ESRRG: variants seen among roughly 807,000 people sequenced by gnomAD.
ESRRG encodes estrogen-related receptor gamma.
ESRRG carries 13 observed loss-of-function variants against 44.0 expected under a neutral mutation model. The observed-to-expected ratio is 0.30, with a 90% confidence interval of 0.19 to 0.47. ESRRG has a LOEUF of 0.47. Among genes scored for constraint, ESRRG ranks in the 20% least tolerant of loss-of-function variants. The pLI, the probability that ESRRG is intolerant of heterozygous loss-of-function variation, is 1.00. For synonymous variants in ESRRG, 215 were observed against 214.6 expected (o/e 1.00, Z -0.02); for missense variants, 395 against 580.6 (o/e 0.68, Z 3.29).
intron 1 of ESRRG, among the ~76,000 whole-genome samples, chr1:216,953,799 A>T (rs1476849395): frequency 6.6e-6 from 1 of 152,310 alleles, no homozygotes; most frequent in East Asian, 1.9e-4. Context: ...TATAAAATAT[A>T]GCTCAAGTAT....
intron 1 of ESRRG, among the ~76,000 whole-genome samples, chr1:217,104,255 C>A (rs992772536): frequency 2.6e-5 from 4 of 152,290 alleles, no homozygotes; most frequent in Non-Finnish European, 5.9e-5. Context: ...GCACCTTGAG[C>A]TACTCAAGGA....
chr1:216,985,775 A>G (rs551188415), intron 1 of ESRRG: 1 of 152,336 alleles, frequency 6.6e-6, no homozygotes, highest in South Asian at 2.1e-4. Context: ...TTGATCCAGA[A>G]GACTGAGGTT....
chr1:216,901,549 T>G (rs1041997976), intron 2 of ESRRG, among the ~76,000 whole-genome samples: 1 of 152,048 alleles, frequency 6.6e-6, no homozygotes, highest in Non-Finnish European at 1.5e-5. Context: ...TTAAAGTTTT[T>G]CTGTAGGAAC....
chr1:216,566,605 C>T (rs1479949628), intron 4 of ESRRG, among the ~76,000 whole-genome samples: 3 of 152,140 alleles, frequency 2.0e-5, no homozygotes, highest in Non-Finnish European at 4.4e-5. Flanking sequence ...GAGAAATGGG[C>T]AGTCTGTATA....
chr1:216,607,517 A>G (rs893355064), intron 3 of ESRRG, among the ~76,000 whole-genome samples: 10 of 152,004 alleles, frequency 6.6e-5, no homozygotes, highest in Non-Finnish European at 1.3e-4. Flanking sequence ...TACAGCATCA[A>G]CTCCGTGTGT....
intron 2 of ESRRG, among the ~76,000 whole-genome samples, chr1:216,903,052 C>T (rs1317444694): frequency 6.6e-6 from 1 of 152,176 alleles, no homozygotes; most frequent in Non-Finnish European, 1.5e-5. Context: ...AACACCTGTG[C>T]ATAATTGTAT....
At chr1:216,532,069 T>G in intron 5 of ESRRG, among the ~76,000 whole-genome samples, 1 of 151,496 alleles carries the variant, frequency 6.6e-6, no homozygotes, top group Admixed American at 6.6e-5. Flanking sequence ...GAACATTACC[T>G]CTGGAGGCAG....
intron 1 of ESRRG, among the ~76,000 whole-genome samples, chr1:217,031,121 G>GT (rs2082002446): frequency 6.6e-6 from 1 of 152,134 alleles, no homozygotes; most frequent in African/African-American, 2.4e-5. Flanking sequence ...GCTAAAAATA[G>GT]TTTTTACATT....
At chr1:216,893,346 G>A (rs1286703003) in intron 2 of ESRRG, among the ~76,000 whole-genome samples, 1 of 152,132 alleles carries the variant, frequency 6.6e-6, no homozygotes, top group Non-Finnish European at 1.5e-5. Flanking sequence ...GGTTCAGCAA[G>A]AATTACTCCA....
At chr1:216,734,000 A>AAT (rs1553553321) in intron 2 of ESRRG, among the ~76,000 whole-genome samples, 1 of 151,472 alleles carries the variant, frequency 6.6e-6, no homozygotes, top group East Asian at 1.9e-4. Flanking sequence ...AAAAAAAAAA[A>AAT]AAAAAAAACT....
intron 1 of ESRRG, among the ~76,000 whole-genome samples, chr1:216,682,740 G>GTGTGTGTGTGTGTGTGTGT (rs2077240599): frequency 6.7e-6 from 1 of 148,914 alleles, no homozygotes. Flanking sequence ...GTGTGTGTGT[G>GTGTGTGTGTGTGTGTGTGT]TTTTATGCTT....
chr1:216,968,627 G>A (rs2070944851), intron 1 of ESRRG, among the ~76,000 whole-genome samples: 1 of 150,418 alleles, frequency 6.6e-6, no homozygotes, highest in African/African-American at 2.4e-5. Context: ...ACACTGTCTT[G>A]ATTACTGTAG....
intron 2 of ESRRG, among the ~76,000 whole-genome samples, chr1:216,797,366 T>A (rs2094498076): frequency 6.6e-6 from 1 of 152,186 alleles, no homozygotes; most frequent in African/African-American, 2.4e-5. Context: ...ACTGAGCTGC[T>A]GTAACTCCTT....
chr1:216,973,759 G>A (rs2072241793), intron 1 of ESRRG, among the ~76,000 whole-genome samples: 2 of 151,022 alleles, frequency 1.3e-5, no homozygotes, highest in South Asian at 4.2e-4. Context: ...CTGGGAGGCA[G>A]AGGTTGCGGT....
intron 5 of ESRRG, among the ~76,000 whole-genome samples, chr1:216,521,585 C>A (rs1558238099): frequency 2.0e-5 from 3 of 152,126 alleles, no homozygotes; most frequent in African/African-American, 7.2e-5. Flanking sequence ...GAGCGTGTAG[C>A]CCGCAGCACC....
At chr1:217,032,728 A>G (rs1296830603) in intron 1 of ESRRG, among the ~76,000 whole-genome samples, 1 of 152,212 alleles carries the variant, frequency 6.6e-6, no homozygotes, top group African/African-American at 2.4e-5. Context: ...AGTTTCACAA[A>G]CAATTGAAAC....
At chr1:216,876,722 G>A (rs2096360708) in intron 2 of ESRRG, among the ~76,000 whole-genome samples, 1 of 151,822 alleles carries the variant, frequency 6.6e-6, no homozygotes, top group Non-Finnish European at 1.5e-5. Context: ...AGAACCAATT[G>A]TTCAGTCATG....
At chr1:216,825,648 C>T (rs369469597) in intron 2 of ESRRG, among the ~76,000 whole-genome samples, 67 of 152,166 alleles carry the variant, frequency 4.4e-4, no homozygotes, top group African/African-American at 1.6e-3. Flanking sequence ...AAGTTTGATT[C>T]CTATGGATGC....
At chr1:216,996,014 T>C (rs2076330084) in intron 1 of ESRRG, among the ~76,000 whole-genome samples, 2 of 152,170 alleles carry the variant, frequency 1.3e-5, no homozygotes, top group East Asian at 3.9e-4. Context: ...TAATAACCTT[T>C]GTAGAAGGGC....
Sources: gnomAD v4.1 joint callset for allele counts (sites outside exome capture counted in the v4.1 genomes callset) on GRCh38, gnomAD v4.1.1 for gene constraint, MANE v1.5 for transcripts, NCBI Gene and HGNC (gene_info 2026-07-23, HGNC 2026-07-21) for gene names.